Variants in LY75 observed in about 807,000 individuals in gnomAD.
LY75 encodes lymphocyte antigen 75.
Under a neutral mutation model 231.7 loss-of-function variants are expected in LY75, and 185 were observed. The observed-to-expected ratio is 0.80, with a 90% CI of 0.71 to 0.90. The LOEUF is 0.90. LY75 is among the 40% of genes least tolerant of loss of function. LY75 has a pLI of 0.00. For missense variants in LY75, 1,947 were observed against 2,050.2 expected, an observed-to-expected ratio of 0.95 and a Z score of 0.97; for synonymous variants, 668 against 689.0, an observed-to-expected ratio of 0.97 and a Z score of 0.48.
chr2:159,831,442 G>A (rs1481877247), intron 28 of LY75, among the ~76,000 whole-genome samples: 2 of 152,034 alleles, frequency 1.3e-5, no homozygotes, highest in Non-Finnish European at 2.9e-5. Context: ...TTAGCAGTGC[G>A]GGAACAAACT....
intron 14 of LY75, 26 bp from the exon 15 acceptor site, chr2:159,860,915 A>T: frequency 6.2e-7 from 1 of 1,613,408 alleles, no homozygotes; most frequent in Non-Finnish European, 8.5e-7. Flanking sequence ...AGGCTTGAGA[A>T]TTTAAGACTG....
At chr2:159,877,009 CAAAAAAAAAAAAA>C (rs58831835) in intron 11 of LY75, among the ~76,000 whole-genome samples, 17 of 90,528 alleles carry the variant, frequency 1.9e-4, no homozygotes, top group Admixed American at 1.2e-3. Flanking sequence ...AACTCCATCT[CAAAAAAAAAAAAA>C]AAAAAAAAAA....
chr2:159,828,024 G>C (rs1574535158), intron 28 of LY75, among the ~76,000 whole-genome samples: 1 of 151,720 alleles, frequency 6.6e-6, no homozygotes, highest in South Asian at 2.1e-4. Context: ...GTTGATGGGT[G>C]CATCAAACCA....
rs940140940 is a variant in LY75, at chr2:159,867,879, C to T, written c.2118-2959G>A. Among the ~76,000 whole-genome samples, 11 of 152,182 alleles carry T rather than the reference C, an allele frequency of 7.2e-5. No homozygotes were observed. In the East Asian group the frequency reaches 2.1e-3, roughly 29 times the overall value. ...TCAGAGCCTTAATGATTTGGTGCAC[C>T]ATGAATCCTTTTCACTGAAATACAA... On this transcript the variant is annotated intron_variant, in intron 13 of 34. Coordinates refer to ENST00000263636, the MANE Select transcript of LY75 (RefSeq NM_002349.4).
At chr2:159,823,602 C>A (rs1483562492) in intron 28 of LY75, among the ~76,000 whole-genome samples, 2 of 152,078 alleles carry the variant, frequency 1.3e-5, no homozygotes, top group South Asian at 2.1e-4. Flanking sequence ...CAGAGAACAA[C>A]CCAAAGATAC....
In LY75 at chr2:159,893,931, C is replaced by G. The variant is rs1269890211; in HGVS notation, c.620G>C (p.Gly207Ala). Reference protein sequence around the residue: ...TLNYEYDRKWGICLKPENGCE... With the variant: ...TLNYEYDRKWAICLKPENGCE... ...ATACATACCAGGCTTTAAGCAGATG[C>G]CCCACTTTCGGTCATATTCATAATT... Residue 207 changes from glycine (G) to alanine (A), a missense_variant, in exon 3 of 35, where the codon GGC becomes GCC. Transcript: ENST00000263636. 6.2e-7 allele frequency: 1 copy of G among 1,611,640 alleles called. No individual in the cohort carries two copies. The highest frequency in any genetic ancestry group is 8.5e-7 in the Non-Finnish European group (1 of 1,178,936).
At chr2:159,879,104 A>G (rs1166267717) in intron 9 of LY75, among the ~76,000 whole-genome samples, 155 bp downstream of exon 9, 2 of 152,246 alleles carry the variant, frequency 1.3e-5, no homozygotes, top group African/African-American at 2.4e-5. Context: ...CCAATATGCT[A>G]TGACTCACTG....
intron 1 of LY75, among the ~76,000 whole-genome samples, chr2:159,903,912 C>T (rs1191407647): frequency 6.6e-6 from 1 of 152,246 alleles, no homozygotes. Context: ...GGTCCCCAAG[C>T]AGGCGACCTG....
At chr2:159,861,309 T>C (rs1684692871) in intron 14 of LY75, among the ~76,000 whole-genome samples, 1 of 152,200 alleles carries the variant, frequency 6.6e-6, no homozygotes, top group Non-Finnish European at 1.5e-5. Context: ...CACCAATTTT[T>C]GGTGACAAAA....
chr2:159,874,713 AATATATATATTTTGTAAATATATGTAAAT>A (rs1685186645), intron 12 of LY75, among the ~76,000 whole-genome samples: 3 of 36,446 alleles, frequency 8.2e-5, no homozygotes, highest in Non-Finnish European at 1.0e-4. Context: ...AATATATGTA[AATATATATATTTTGTAAATATATGTAAAT>A]ATATATATTT....
chr2:159,807,309 T>A (rs1682820545), intron 33 of LY75, among the ~76,000 whole-genome samples, 169 bp from the exon 34 acceptor site: 1 of 152,266 alleles, frequency 6.6e-6, no homozygotes. Context: ...GTTGCACTAG[T>A]CACATTTCAA....
chr2:159,847,860 A>AT (rs1684249890), intron 23 of LY75, among the ~76,000 whole-genome samples: 1 of 151,986 alleles, frequency 6.6e-6, no homozygotes, highest in South Asian at 2.1e-4. Flanking sequence ...AGGTAATGTG[A>AT]AATATAGGCT....
chr2:159,869,614 A>T (rs143319508), intron 13 of LY75, among the ~76,000 whole-genome samples: 1 of 152,224 alleles, frequency 6.6e-6, no homozygotes, highest in East Asian at 1.9e-4. Context: ...AAACAACCCC[A>T]CATCCAGTCA....
chr2:159,822,336 G>A (rs950146564), intron 28 of LY75, among the ~76,000 whole-genome samples: 31 of 152,224 alleles, frequency 2.0e-4, no homozygotes, highest in African/African-American at 7.0e-4. Context: ...GACCTGGGAC[G>A]CTAGAGCTTG....
Position 159,898,693 on chromosome 2 carries a change from T to C in LY75, c.461A>G (p.Tyr154Cys). Residue 154 changes from tyrosine (Y) to cysteine (C), a missense_variant, in exon 2 of 35, where the codon TAT becomes TGT. Tyr to Cys is a radical substitution (Grantham distance 194). Coordinates refer to ENST00000263636, the MANE Select transcript of LY75 (RefSeq NM_002349.4). ...GSEESLCDQP[Y>C]HEIYTRDGNS... ...AGTCCCTCTCTAATACTCACCATGA[T>C]AAGGCTGGTCACAAAGGCTTTCCTC... The C allele has an allele frequency of 6.2e-7, 1 of 1,611,534 alleles. No individual in the cohort carries two copies. Among genetic ancestry groups the C allele is most frequent in the Non-Finnish European group, 8.5e-7 (1 of 1,177,978 alleles).
chr2:159,860,677 A>T (rs1042870921), intron 15 of LY75, 144 bp downstream of exon 15: 5 of 877,162 alleles, frequency 5.7e-6, no homozygotes, highest in Non-Finnish European at 7.0e-6. Context: ...TAGGCTGCTG[A>T]GGGCCAGGCC....
At chr2:159,869,301 T>TAA (rs199535337) in intron 13 of LY75, among the ~76,000 whole-genome samples, 3 of 129,872 alleles carry the variant, frequency 2.3e-5, no homozygotes, top group African/African-American at 5.6e-5. Flanking sequence ...AGTATAATAA[T>TAA]AAAAAAAAAA....
At chr2:159,809,545 ATT>A (rs1682890931) in intron 32 of LY75, among the ~76,000 whole-genome samples, 2 of 152,102 alleles carry the variant, frequency 1.3e-5, no homozygotes, top group Admixed American at 6.5e-5. Context: ...TTACCTCTTA[ATT>A]CCTTTTTCTA....
At position 159,898,827 on chromosome 2, in the gene LY75, T is replaced by C; in HGVS notation, c.327A>G (p.Lys109=). The C allele has an allele frequency of 1.2e-6, 2 of 1,614,194 alleles. No individual in the cohort carries two copies. Among genetic ancestry groups the C allele is most frequent in the African/African-American group, 1.3e-5 (1 of 75,042 alleles). ...SCDSSAMLWW[K]CEHHSLYGAA... is the part of the protein sequence containing the mutation. ...CTCCGTACAGAGAGTGGTGCTCACA[T>C]TTCCACCACAGCATGGCACTGGAGT... Residue 109 remains lysine, a synonymous_variant, in exon 2 of 35, where the codon AAA becomes AAG. Coordinates refer to ENST00000263636, the MANE Select transcript of LY75 (RefSeq NM_002349.4).
Sources: allele counts gnomAD v4.1 joint callset (sites outside exome capture counted in the v4.1 genomes callset), GRCh38; gene constraint gnomAD v4.1.1; transcripts MANE v1.5; gene names NCBI Gene and HGNC (gene_info 2026-07-23, HGNC 2026-07-21).